The following URB2 variants were observed in gnomAD, a reference collection of about 807,000 sequenced individuals.
URB2 encodes URB2 ribosome biogenesis homolog.
In URB2, 86 loss-of-function variants were observed where a neutral mutation model predicts 120.9. That is an observed-to-expected ratio of 0.71 (90% CI 0.60 to 0.85). The LOEUF (loss-of-function observed/expected upper bound fraction) is 0.85, where lower values mean the gene tolerates loss of function less well. Ranked by LOEUF, URB2 falls within the 40% of genes least tolerant of loss-of-function variation. URB2 has a pLI of 0.00. For synonymous variants in URB2, 755 were observed against 758.4 expected (o/e 1.00, Z 0.07); for missense variants, 1,765 against 1,836.5 (o/e 0.96, Z 0.71).
At position 229,632,309 on chromosome 1, in the gene URB2, A is replaced by T. The variant is rs753479798; in HGVS notation, c.167A>T (p.Tyr56Phe). ...GCAAGACAATCATTGGTTGCATTTTATAAGAAAAAGCTTGAACTGAAGGAA... is the reference window on the plus strand; with the variant it reads ...GCAAGACAATCATTGGTTGCATTTTTTAAGAAAAAGCTTGAACTGAAGGAA... ...DWARQSLVAF[Y>F]KKKLELKEDI... Residue 56 changes from tyrosine (Y) to phenylalanine (F), a missense_variant, in exon 3 of 10, where the codon TAT becomes TTT. Transcript: ENST00000258243. 1.3e-6 allele frequency: 2 copies of T among 1,586,366 alleles called. No individual in the cohort carries two copies. The highest frequency in any genetic ancestry group is 2.4e-5 in the South Asian group (2 of 83,980).
In URB2 at chr1:229,637,962, A is replaced by C; in HGVS notation, c.3349A>C (p.Ile1117Leu). 6.2e-7 allele frequency: 1 copy of C among 1,613,626 alleles called. No individual in the cohort carries two copies. The change falls in exon 4 of 10, where the codon ATC becomes CTC. Residue 1117 changes from isoleucine (I) to leucine (L), a missense_variant. Transcript: ENST00000258243. ...ARGWRLPSVLISSVSTLLEAD... is the reference protein window; with the variant it reads ...ARGWRLPSVLLSSVSTLLEAD... Reference sequence around the variant, plus strand: ...GGGCTGGCGCCTTCCCTCGGTCCTCATCTCATCCGTCAGCACGCTCTTGGA... The same window carrying C: ...GGGCTGGCGCCTTCCCTCGGTCCTCCTCTCATCCGTCAGCACGCTCTTGGA...
At position 229,635,545 on chromosome 1, in the gene URB2, T is replaced by C; in HGVS notation, c.932T>C (p.Phe311Ser). 6 of 1,614,098 alleles carry C rather than the reference T, an allele frequency of 3.7e-6. No individual in the cohort carries two copies. Among genetic ancestry groups the C allele is most frequent in the Non-Finnish European group, 5.1e-6 (6 of 1,180,004 alleles). ...ANSVALLYKL[F>S]LDSYFKEGNQ... Reference sequence around the variant, plus strand: ...TCAGTGGCCTTGCTGTATAAGCTCTTTCTAGATTCTTACTTTAAGGAGGGA... The same window carrying C: ...TCAGTGGCCTTGCTGTATAAGCTCTCTCTAGATTCTTACTTTAAGGAGGGA... Residue 311 changes from phenylalanine to serine, a missense_variant, in exon 4 of 10, where the codon TTT (phenylalanine) becomes TCT (serine). Transcript: ENST00000258243.
intron 4 of URB2, among the ~76,000 whole-genome samples, chr1:229,641,399 T>C (rs931691681): frequency 2.0e-5 from 3 of 152,142 alleles, no homozygotes; most frequent in African/African-American, 4.8e-5. Flanking sequence ...TCGGTCACAG[T>C]GTGGTCAGGG....
At position 229,627,734 on chromosome 1, in the gene URB2, A is replaced by G; in HGVS notation, c.101A>G (p.Gln34Arg). ...GCTCACTTTGCTTGGATTTCTCACC[A>G]GTGCTTTCTTCCAAATAAAGAACAA... is the stretch of plus-strand genomic sequence containing the variant. ...KLAHFAWISH[Q>R]CFLPNKEQVL... The change falls in exon 2 of 10, where the codon CAG becomes CGG. Residue 34 changes from glutamine to arginine, a missense_variant. By Grantham distance (43) the Gln-to-Arg change is conservative. Coordinates refer to ENST00000258243, the MANE Select transcript of URB2 (RefSeq NM_014777.4). 1 of 1,611,236 alleles carries G rather than the reference A, an allele frequency of 6.2e-7. No homozygotes were observed. The highest frequency in any genetic ancestry group is 8.5e-7 in the Non-Finnish European group (1 of 1,178,576).
At chr1:229,643,483 G>A in intron 4 of URB2, 50 bp from the exon 5 acceptor site, 3 of 1,609,024 alleles carry the variant, frequency 1.9e-6, no homozygotes, top group Non-Finnish European at 2.5e-6. Context: ...CTACTTGGTA[G>A]TTTATTTCAC....
At chr1:229,649,357 G>A (rs1666219072) in intron 7 of URB2, among the ~76,000 whole-genome samples, 1 of 152,106 alleles carries the variant, frequency 6.6e-6, no homozygotes, top group African/African-American at 2.4e-5. Context: ...GCTGATGTTA[G>A]ATTTGTATGT....
intron 4 of URB2, among the ~76,000 whole-genome samples, chr1:229,640,625 G>C (rs1047514626): frequency 1.3e-5 from 2 of 152,138 alleles, no homozygotes; most frequent in African/African-American, 4.8e-5. Flanking sequence ...GTGCCTTTCG[G>C]TACGTGAGGG....
At chr1:229,634,861 TG>T in intron 3 of URB2, 55 bp from the exon 4 acceptor site, 1 of 1,398,052 alleles carries the variant, frequency 7.2e-7, no homozygotes, top group South Asian at 2.0e-5. Flanking sequence ...ATACTTTTCT[TG>T]TGTATGTATG....
chr1:229,657,767 T>G (rs1376318499), intron 9 of URB2, among the ~76,000 whole-genome samples: 2 of 152,226 alleles, frequency 1.3e-5, no homozygotes, highest in Non-Finnish European at 2.9e-5. Flanking sequence ...TCTGAACTAT[T>G]ACATGAAAAG....
Position 229,650,163 on chromosome 1 carries a change from G to A in URB2, c.4150-1072G>A, listed in dbSNP as rs186594746. On this transcript the variant is annotated intron_variant, in intron 7 of 9. Transcript: ENST00000258243. ...TTACTCTCTGTTCACTCTCACACGT[G>A]ATGCAGCACTGTCCAGCAGTGGTCA... 2.0e-3 allele frequency among the ~76,000 whole-genome samples: 308 copies of A among 152,332 alleles called. 2 individuals are homozygous for A. Among genetic ancestry groups the A allele is most frequent in the Non-Finnish European group, 1.2e-3 (79 of 68,030 alleles).
At chr1:229,655,074 G>A (rs564991641) in intron 9 of URB2, among the ~76,000 whole-genome samples, 7 of 152,238 alleles carry the variant, frequency 4.6e-5, no homozygotes, top group African/African-American at 9.6e-5. Flanking sequence ...TTACTCTGGC[G>A]GTGTGTCACT....
intron 8 of URB2, among the ~76,000 whole-genome samples, chr1:229,653,935 T>TG (rs1486845024): frequency 2.8e-5 from 4 of 140,688 alleles, no homozygotes; most frequent in Admixed American, 2.2e-4. Flanking sequence ...TCCATCTTGG[T>TG]GTTTTTTTTT....
chr1:229,637,114 T>C lies in URB2; in HGVS notation c.2501T>C (p.Val834Ala). The C allele has an allele frequency of 6.2e-7, 1 of 1,613,138 alleles. No individual in the cohort carries two copies. The highest frequency in any genetic ancestry group is 8.5e-7 in the Non-Finnish European group (1 of 1,179,408). Reference sequence around the variant, plus strand: ...GGTGCCCAGCGTGACTCAGGTCTTGTCAGTCAGCAGCTTCCCTGGCTTTTT... The same window carrying C: ...GGTGCCCAGCGTGACTCAGGTCTTGCCAGTCAGCAGCTTCCCTGGCTTTTT... Reference protein sequence around the residue: ...CSGAQRDSGLVSQQLPWLFEK... With the variant: ...CSGAQRDSGLASQQLPWLFEK... Residue 834 changes from valine (V) to alanine (A), a missense_variant, in exon 4 of 10, where the codon GTC (valine) becomes GCC (alanine). Val to Ala is a moderately conservative substitution (Grantham distance 64). Transcript: ENST00000258243.
chr1:229,631,039 T>G (rs1665656196), intron 2 of URB2, among the ~76,000 whole-genome samples: 1 of 150,720 alleles, frequency 6.6e-6, no homozygotes, highest in East Asian at 1.9e-4. Flanking sequence ...AATAGAAGGC[T>G]GTTTCTTCTA....
intron 6 of URB2, among the ~76,000 whole-genome samples, chr1:229,646,373 G>A (rs1666147119): frequency 6.6e-6 from 1 of 152,176 alleles, no homozygotes; most frequent in African/African-American, 2.4e-5. Context: ...CAAATGTAGT[G>A]TTCTGCAGCC....
Position 229,651,325 on chromosome 1 carries a change from A to G in URB2, c.4237+3A>G. 3.1e-6 allele frequency: 5 copies of G among 1,610,078 alleles called. No homozygotes were observed. Among genetic ancestry groups the G allele is most frequent in the Non-Finnish European group, 4.2e-6 (5 of 1,178,196 alleles). On this transcript the variant is annotated splice_donor_region_variant and intron_variant, in intron 8 of 9. Transcript: ENST00000258243. ...GGAAGGGCGGCAGAAGGACAAAGGT[A>G]ATTTGGAGTAACATCAGACACAGTT...
intron 7 of URB2, 113 bp downstream of exon 7, chr1:229,647,865 C>T (rs1571880010): frequency 4.1e-6 from 6 of 1,464,568 alleles, no homozygotes; most frequent in Non-Finnish European, 5.4e-6. Context: ...ATACAAATAA[C>T]GATTTGCTAG....
In URB2 at chr1:229,635,328, G is replaced by T. The variant is rs756607327; in HGVS notation, c.715G>T (p.Ala239Ser). ...LSRDIRSQIEAMFRGGIFQPE... is the reference protein window; with the variant it reads ...LSRDIRSQIESMFRGGIFQPE... ...CCGGGACATCAGGAGTCAGATTGAG[G>T]CCATGTTCCGAGGAGGGATTTTTCA... Residue 239 changes from alanine to serine, a missense_variant, in exon 4 of 10, where the codon GCC becomes TCC. Coordinates refer to ENST00000258243, the MANE Select transcript of URB2 (RefSeq NM_014777.4). 7 of 1,614,164 alleles carry T rather than the reference G, an allele frequency of 4.3e-6. No individual in the cohort carries two copies. In the South Asian group the frequency reaches 7.7e-5, roughly 18 times the overall value.
At chr1:229,630,510 T>G (rs751920423) in intron 2 of URB2, among the ~76,000 whole-genome samples, 3 of 152,218 alleles carry the variant, frequency 2.0e-5, no homozygotes, top group Non-Finnish European at 4.4e-5. Flanking sequence ...TCAGGCTTTG[T>G]TTTTCCATTG....
Sources: gnomAD v4.1 joint callset for allele counts (sites outside exome capture counted in the v4.1 genomes callset) on GRCh38, gnomAD v4.1.1 for gene constraint, MANE v1.5 for transcripts, NCBI Gene and HGNC (gene_info 2026-07-23, HGNC 2026-07-21) for gene names.